The following RABGAP1L variants were observed in gnomAD, a reference collection of about 807,000 sequenced individuals.
The protein encoded by RABGAP1L is rab GTPase-activating protein 1-like.
Under a neutral mutation model 137.7 loss-of-function variants are expected in RABGAP1L, and 63 were observed. The observed-to-expected ratio is 0.46, with a 90% CI of 0.37 to 0.56. The LOEUF is 0.56. Ranked by LOEUF, RABGAP1L falls within the 20% of genes least tolerant of loss-of-function variation. RABGAP1L has a pLI of 0.00. For synonymous variants in RABGAP1L, 431 were observed against 433.7 expected (o/e 0.99, Z 0.08); for missense variants, 1,095 against 1,244.0 (o/e 0.88, Z 1.80).
intron 13 of RABGAP1L, among the ~76,000 whole-genome samples, chr1:174,425,327 C>G (rs1327308196): frequency 6.6e-6 from 1 of 151,956 alleles, no homozygotes; most frequent in Non-Finnish European, 1.5e-5. Flanking sequence ...GACATCTAAT[C>G]TTGCTATTGC....
chr1:174,266,505 C>T (rs1674087245), intron 7 of RABGAP1L, among the ~76,000 whole-genome samples: 2 of 152,040 alleles, frequency 1.3e-5, no homozygotes, highest in African/African-American at 2.4e-5. Context: ...TTTCTCTTAC[C>T]GTGGTTCAGT....
In RABGAP1L at chr1:174,800,289, A is replaced by G. The variant is rs1363907584; in HGVS notation, c.2212-11543A>G. 4 of 1,530,728 alleles carry G rather than the reference A, an allele frequency of 2.6e-6. No homozygotes were observed. In the South Asian group the frequency reaches 3.7e-5, roughly 14 times the overall value. 94.8% of individuals were successfully genotyped at this position (1,530,728 alleles called of 1,614,324 possible). ...CCCACCGCAGTTCTTAATATTGTGG[A>G]TAAGAGATCCATCTTTCTCATTCTG... On this transcript the variant is annotated intron_variant, in intron 18 of 25. Transcript: ENST00000681986.
At chr1:174,689,231 A>G (rs1365674744) in intron 15 of RABGAP1L, among the ~76,000 whole-genome samples, 4 of 152,010 alleles carry the variant, frequency 2.6e-5, no homozygotes, top group Admixed American at 1.3e-4. Context: ...TTGGGATAAG[A>G]TTTAACCAAT....
intron 7 of RABGAP1L, among the ~76,000 whole-genome samples, chr1:174,271,346 G>C (rs1400173789): frequency 6.6e-6 from 1 of 152,078 alleles, no homozygotes; most frequent in Admixed American, 6.6e-5. Context: ...GATACTAGGA[G>C]AGTAAACCTT....
chr1:174,561,378 G>C (rs372047421), intron 13 of RABGAP1L, among the ~76,000 whole-genome samples: 1 of 152,038 alleles, frequency 6.6e-6, no homozygotes, highest in Non-Finnish European at 1.5e-5. Flanking sequence ...CAAATGGAAA[G>C]ACATTCCATG....
chr1:174,886,857 C>T (rs1043168753), intron 19 of RABGAP1L, among the ~76,000 whole-genome samples: 1 of 150,854 alleles, frequency 6.6e-6, no homozygotes, highest in Admixed American at 6.6e-5. Flanking sequence ...TTCTGTCTGG[C>T]GTGCAATGGC....
chr1:174,198,725 G>A (rs780485251), intron 1 of RABGAP1L, among the ~76,000 whole-genome samples: 3 of 152,144 alleles, frequency 2.0e-5, no homozygotes, highest in African/African-American at 7.2e-5. Context: ...ATTATTGGCC[G>A]GGCACCTTGG....
intron 1 of RABGAP1L, among the ~76,000 whole-genome samples, chr1:174,200,260 A>C (rs1051328308): frequency 3.9e-5 from 6 of 152,212 alleles, no homozygotes; most frequent in African/African-American, 1.4e-4. Flanking sequence ...GGTGTTAGCT[A>C]ACAATCTGGT....
At chr1:174,659,439 A>C (rs1284293770) in intron 14 of RABGAP1L, among the ~76,000 whole-genome samples, 1 of 152,128 alleles carries the variant, frequency 6.6e-6, no homozygotes, top group African/African-American at 2.4e-5. Flanking sequence ...ACCTGTCAGC[A>C]CCATCGTGCA....
chr1:174,936,113 C>G (rs563585935), intron 19 of RABGAP1L, among the ~76,000 whole-genome samples: 1 of 151,502 alleles, frequency 6.6e-6, no homozygotes, highest in East Asian at 1.9e-4. Flanking sequence ...ACCACTAGTG[C>G]TGATATTAGA....
In RABGAP1L at chr1:174,894,629, G is replaced by A. The variant is rs142126623; in HGVS notation, c.2341-62828G>A. Among the ~76,000 whole-genome samples, 151 of 152,334 alleles carry A rather than the reference G, an allele frequency of 9.9e-4. 1 individual carries two copies. The highest frequency in any genetic ancestry group is 8.5e-3 in the Admixed American group (130 of 15,302). ...AGACTTTCACCTATTATGTTACAAT[G>A]TGTGCTCACATTTCCTGATTATGGA... On this transcript the variant is annotated intron_variant, in intron 19 of 25. Coordinates refer to ENST00000681986, the MANE Select transcript of RABGAP1L (RefSeq NM_001366446.1).
chr1:174,825,709 C>A (rs569492689), intron 19 of RABGAP1L, among the ~76,000 whole-genome samples: 1 of 152,304 alleles, frequency 6.6e-6, no homozygotes, highest in East Asian at 1.9e-4. Flanking sequence ...ATGGCAAAAC[C>A]CCATCTCTAC....
chr1:174,969,591 ACTT>A (rs1421027113), intron 21 of RABGAP1L, among the ~76,000 whole-genome samples: 2 of 152,224 alleles, frequency 1.3e-5, no homozygotes, highest in Non-Finnish European at 2.9e-5. Flanking sequence ...TGTGTGACAT[ACTT>A]TCTTTATACC....
chr1:174,800,193 A>G (rs954115734), intron 18 of RABGAP1L: 1 of 1,392,592 alleles, frequency 7.2e-7, no homozygotes, highest in Non-Finnish European at 9.3e-7. Flanking sequence ...TCTTGTGGAG[A>G]CATTAGCTGA....
At chr1:174,603,440 G>A (rs1414302799) in intron 13 of RABGAP1L, among the ~76,000 whole-genome samples, 1 of 152,012 alleles carries the variant, frequency 6.6e-6, no homozygotes, top group Admixed American at 6.6e-5. Context: ...GTCCAAATCC[G>A]GAGGCGACCA....
At chr1:174,878,662 G>T (rs561123103) in intron 19 of RABGAP1L, among the ~76,000 whole-genome samples, 1 of 151,552 alleles carries the variant, frequency 6.6e-6, no homozygotes, top group Non-Finnish European at 1.5e-5. Context: ...CTATTTTAAG[G>T]CACAGGAACC....
At chr1:174,493,106 A>G (rs1420238530) in intron 13 of RABGAP1L, among the ~76,000 whole-genome samples, 1 of 150,132 alleles carries the variant, frequency 6.7e-6, no homozygotes, top group Non-Finnish European at 1.5e-5. Flanking sequence ...CACACCTGTA[A>G]TCTCGCACTT....
intron 14 of RABGAP1L, among the ~76,000 whole-genome samples, chr1:174,669,854 C>T (rs1677050433): frequency 6.6e-6 from 1 of 152,108 alleles, no homozygotes; most frequent in African/African-American, 2.4e-5. Flanking sequence ...GTTTTTATGC[C>T]AATCCCATGC....
intron 1 of RABGAP1L, among the ~76,000 whole-genome samples, chr1:174,174,137 A>G (rs1309217045): frequency 1.3e-5 from 2 of 152,080 alleles, no homozygotes; most frequent in Non-Finnish European, 1.5e-5. Context: ...CAATAAACAT[A>G]CTGATAACAA....
Sources: gnomAD v4.1 joint callset for allele counts (sites outside exome capture counted in the v4.1 genomes callset) on GRCh38, gnomAD v4.1.1 for gene constraint, MANE v1.5 for transcripts, NCBI Gene and HGNC (gene_info 2026-07-23, HGNC 2026-07-21) for gene names.